The following FIBCD1 variants were observed in gnomAD, a reference collection of about 807,000 sequenced individuals.
FIBCD1 encodes the protein fibrinogen C domain containing 1.
Under a neutral mutation model 45.1 loss-of-function variants are expected in FIBCD1, and 47 were observed. The ratio of observed to expected loss-of-function variants is 1.04; its 90% CI spans 0.82 to 1.33. FIBCD1 has a LOEUF of 1.33. FIBCD1 is among the 40% of genes most tolerant of loss of function. The probability of loss-of-function intolerance (pLI) is 0.00; values close to 1 mark genes in which losing one functional copy is unlikely to be tolerated. For synonymous variants in FIBCD1, 313 were observed against 308.1 expected (o/e 1.02, Z -0.17); for missense variants, 653 against 682.2 (o/e 0.96, Z 0.48).
At chr9:130,911,245 CAGA>C (rs1430251003) in intron 5 of FIBCD1, among the ~76,000 whole-genome samples, 2 of 152,176 alleles carry the variant, frequency 1.3e-5, no homozygotes, top group Admixed American at 1.3e-4. Context: ...ATCCGAACAT[CAGA>C]AGAAAAAAAC....
intron 1 of FIBCD1, 92 bp from the exon 2 acceptor site, chr9:130,930,138 C>T: frequency 7.0e-7 from 1 of 1,422,378 alleles, no homozygotes; most frequent in East Asian, 2.5e-5. Context: ...CAGAGGACCC[C>T]CTTCTTGGGG....
At chr9:130,915,998 C>T (rs959431968) in intron 4 of FIBCD1, among the ~76,000 whole-genome samples, 7 of 152,226 alleles carry the variant, frequency 4.6e-5, no homozygotes, top group Non-Finnish European at 8.8e-5. Context: ...GGCACGATCT[C>T]AGCTCACTGC....
intron 4 of FIBCD1, among the ~76,000 whole-genome samples, chr9:130,915,530 C>T: frequency 6.6e-6 from 1 of 152,134 alleles, no homozygotes; most frequent in Non-Finnish European, 1.5e-5. Context: ...CGGTGAAACC[C>T]CGTCTCTACT....
chr9:130,936,683 G>A (rs548310327), intron 1 of FIBCD1, among the ~76,000 whole-genome samples: 28 of 152,372 alleles, frequency 1.8e-4, no homozygotes, highest in South Asian at 4.1e-4. Flanking sequence ...CTTCCTGGCC[G>A]AAGCGTCATG....
At chr9:130,936,069 C>A (rs1223601471) in intron 1 of FIBCD1, 1 of 152,244 alleles carries the variant, frequency 6.6e-6, no homozygotes, top group Non-Finnish European at 1.5e-5. Context: ...CTCATGAGTA[C>A]ACAGTGCTTT....
chr9:130,908,381 G>A (rs986240478), intron 5 of FIBCD1, among the ~76,000 whole-genome samples: 1 of 152,180 alleles, frequency 6.6e-6, no homozygotes, highest in African/African-American at 2.4e-5. Context: ...CCATGAGCAC[G>A]GGCATCACCG....
In FIBCD1 at chr9:130,904,076, C is replaced by T. The variant is rs1277410971; in HGVS notation, c.1374G>A (p.Arg458=). The T allele has an allele frequency of 9.9e-6, 16 of 1,612,630 alleles. 1 individual carries two copies. In the South Asian group the frequency reaches 1.6e-4, roughly 17 times the overall value. ...AAGGTGCACCAGTCTAGCGGTCCTC[C>T]CGGACCGGCCGGATCTTCATCTCAG... The part of the protein sequence containing the change: ...KFSEMKIRPV[R]EDR Residue 458 remains arginine, a synonymous_variant, in exon 7 of 7, where the codon CGG becomes CGA. Coordinates refer to ENST00000372338, the MANE Select transcript of FIBCD1 (RefSeq NM_032843.5).
chr9:130,918,823 G>A (rs981341365), intron 4 of FIBCD1, among the ~76,000 whole-genome samples: 8 of 152,320 alleles, frequency 5.3e-5, no homozygotes, highest in South Asian at 2.1e-4. Context: ...ACGTGACCTC[G>A]GACAGGTTGC....
rs1467448503 is a variant in FIBCD1, at chr9:130,903,830, C to T, written c.*234G>A. ...TGGGGTCGTCAAGTTTGCCAGCCCCCATCAGCAGAGGCAAGAGATCAGTGA... is the reference window on the plus strand; with the variant it reads ...TGGGGTCGTCAAGTTTGCCAGCCCCTATCAGCAGAGGCAAGAGATCAGTGA... On this transcript the variant is annotated 3_prime_UTR_variant, in exon 7 of 7. Transcript: ENST00000372338. 9.6e-6 allele frequency: 6 copies of T among 622,142 alleles called. No individual in the cohort carries two copies. Among genetic ancestry groups the T allele is most frequent in the Non-Finnish European group, 1.8e-5 (6 of 340,700 alleles). 38.5% of individuals were successfully genotyped at this position (622,142 alleles called of 1,614,324 possible). A position where few individuals can be genotyped will look rare whatever the true frequency, so the allele number is the denominator to read the frequency against.
At chr9:130,920,166 G>A (rs1026396858) in intron 4 of FIBCD1, among the ~76,000 whole-genome samples, 1 of 152,212 alleles carries the variant, frequency 6.6e-6, no homozygotes, top group Non-Finnish European at 1.5e-5. Context: ...CACAGCCAGG[G>A]GCGCTGGGGG....
chr9:130,906,620 G>A (rs751168104), intron 5 of FIBCD1, among the ~76,000 whole-genome samples: 9 of 152,200 alleles, frequency 5.9e-5, no homozygotes, highest in Non-Finnish European at 1.2e-4. Flanking sequence ...CTGCTGCTGA[G>A]TCTCAGGGCA....
At chr9:130,924,583 A>C (rs1240448987) in intron 2 of FIBCD1, among the ~76,000 whole-genome samples, 187 bp from the exon 3 acceptor site, 1 of 152,092 alleles carries the variant, frequency 6.6e-6, no homozygotes, top group Non-Finnish European at 1.5e-5. Context: ...CCAGGCTATG[A>C]TGGAGCCTGT....
Position 130,929,890 on chromosome 9 carries a change from T to C in FIBCD1, c.229A>G (p.Ser77Gly), listed in dbSNP as rs1397048615. Residue 77 changes from serine to glycine, a missense_variant, in exon 2 of 7, where the codon AGC (serine) becomes GGC (glycine). By Grantham distance (56) the Ser-to-Gly change is moderately conservative. Coordinates refer to ENST00000372338, the MANE Select transcript of FIBCD1 (RefSeq NM_032843.5). Reference sequence around the variant, plus strand: ...GCCCTTTCCACAGTGACCAGGGCGCTGTTGGCGCTGGCAGCCCCAGTGCTG... The same window carrying C: ...GCCCTTTCCACAGTGACCAGGGCGCCGTTGGCGCTGGCAGCCCCAGTGCTG... The part of the protein sequence containing the change: ...VVSTGAASAN[S>G]ALVTVERADS... The C allele has an allele frequency of 2.6e-6, 4 of 1,549,462 alleles. No individual in the cohort carries two copies. Among genetic ancestry groups the C allele is most frequent in the Non-Finnish European group, 3.5e-6 (4 of 1,146,576 alleles).
Position 130,925,617 on chromosome 9 carries a change from C to T in FIBCD1, c.553-1221G>A, listed in dbSNP as rs181990992. On this transcript the variant is annotated intron_variant, in intron 2 of 6. Transcript: ENST00000372338. Reference sequence around the variant, plus strand: ...CAGCCGTTGTTCTCCATCCTTCACCCCCGCCCCTCCCTCCAACACAGCCCT... The same window carrying T: ...CAGCCGTTGTTCTCCATCCTTCACCTCCGCCCCTCCCTCCAACACAGCCCT... 6.9e-4 allele frequency among the ~76,000 whole-genome samples: 105 copies of T among 152,284 alleles called. 1 individual carries two copies. The highest frequency in any genetic ancestry group is 1.6e-4 in the Non-Finnish European group (11 of 68,014).
At chr9:130,939,811 G>C (rs1832589297), upstream of FIBCD1, among the ~76,000 whole-genome samples, 2 of 152,128 alleles carry the variant, frequency 1.3e-5, no homozygotes, top group South Asian at 4.1e-4. Context: ...CGCCCGGAGC[G>C]GCCTTCGGAG....
chr9:130,940,011 C>T (rs1168901397), upstream of FIBCD1, among the ~76,000 whole-genome samples: 11 of 151,744 alleles, frequency 7.2e-5, no homozygotes, highest in African/African-American at 2.2e-4. Flanking sequence ...GACCCCCGTT[C>T]CCCGCCCCCG....
At chr9:130,915,690 G>T (rs972502841) in intron 4 of FIBCD1, among the ~76,000 whole-genome samples, 1 of 152,110 alleles carries the variant, frequency 6.6e-6, no homozygotes, top group Non-Finnish European at 1.5e-5. Flanking sequence ...TGATAAGAGC[G>T]AGACTCTGTC....
At chr9:130,938,491 G>T (rs1832556938) in intron 1 of FIBCD1, 45 bp downstream of exon 1, 1 of 1,447,362 alleles carries the variant, frequency 6.9e-7, no homozygotes, top group Non-Finnish European at 9.1e-7. Flanking sequence ...AGCGGCCACC[G>T]CCTGGCCAGC....
chr9:130,902,933 C>T lies in FIBCD1; in HGVS notation c.*1131G>A. On this transcript the variant is annotated 3_prime_UTR_variant, in exon 7 of 7. Coordinates refer to ENST00000372338, the MANE Select transcript of FIBCD1 (RefSeq NM_032843.5). ...TGTCCAGGTGGTGCCTGGTCTGGTGCCCCAGTCCCCCCGACCCCATTTGCC... is the reference window on the plus strand; with the variant it reads ...TGTCCAGGTGGTGCCTGGTCTGGTGTCCCAGTCCCCCCGACCCCATTTGCC... 1 of 152,750 alleles carries T rather than the reference C, an allele frequency of 6.5e-6. No individual in the cohort carries two copies. Among genetic ancestry groups the T allele is most frequent in the Middle Eastern group, 3.4e-3 (1 of 298 alleles). 9.5% of individuals were successfully genotyped at this position (152,750 alleles called of 1,614,324 possible).
Sources: gnomAD v4.1 joint callset for allele counts (sites outside exome capture counted in the v4.1 genomes callset) on GRCh38, gnomAD v4.1.1 for gene constraint, MANE v1.5 for transcripts, NCBI Gene and HGNC (gene_info 2026-07-23, HGNC 2026-07-21) for gene names.